The following NEDD9 variants were observed in gnomAD, a reference collection of about 807,000 sequenced individuals.
NEDD9 encodes neural precursor cell expressed, developmentally down-regulated 9, also known as enhancer of filamentation 1.
A neutral mutation model predicts 76.6 loss-of-function variants in NEDD9; 26 were observed. The ratio of observed to expected loss-of-function variants is 0.34; its 90% CI spans 0.25 to 0.47. The LOEUF is 0.47. Among genes scored for constraint, NEDD9 ranks in the 20% least tolerant of loss-of-function variants. NEDD9 has a pLI of 1.00. For synonymous variants in NEDD9, 392 were observed against 414.2 expected, an observed-to-expected ratio of 0.95 and a Z score of 0.65; for missense variants, 937 against 1,058.5, an observed-to-expected ratio of 0.89 and a Z score of 1.59.
chr6:11,231,548 A>G (rs554321748), intron 1 of NEDD9, among the ~76,000 whole-genome samples: 1 of 152,336 alleles, frequency 6.6e-6, no homozygotes, highest in African/African-American at 2.4e-5. Context: ...AATCCATCTT[A>G]ATAATAACAC....
intron 3 of NEDD9, among the ~76,000 whole-genome samples, chr6:11,238,341 G>C (rs1342811991): frequency 2.0e-5 from 3 of 152,180 alleles, no homozygotes; most frequent in African/African-American, 7.2e-5. Context: ...GTGTGGCCCT[G>C]ACCATGGAGC....
At chr6:11,336,201 C>T (rs1330356219) in intron 1 of NEDD9, among the ~76,000 whole-genome samples, 1 of 152,210 alleles carries the variant, frequency 6.6e-6, no homozygotes, top group African/African-American at 2.4e-5. Context: ...TTGGTCATGG[C>T]TCTACATTTA....
intron 1 of NEDD9, among the ~76,000 whole-genome samples, chr6:11,344,588 C>T (rs563361172): frequency 7.9e-5 from 12 of 152,302 alleles, no homozygotes; most frequent in East Asian, 1.9e-4. Context: ...CCACCTCCTT[C>T]GGGGCAAACT....
intron 3 of NEDD9, among the ~76,000 whole-genome samples, chr6:11,238,443 C>T (rs1759651438): frequency 6.6e-6 from 1 of 152,222 alleles, no homozygotes; most frequent in Admixed American, 6.5e-5. Flanking sequence ...GTCGAGTCTC[C>T]ACCCTCGTGG....
At chr6:11,340,625 T>C (rs1762254772) in intron 1 of NEDD9, among the ~76,000 whole-genome samples, 1 of 152,176 alleles carries the variant, frequency 6.6e-6, no homozygotes, top group African/African-American at 2.4e-5. Context: ...CACACTAAGG[T>C]ACCTGTCTCC....
chr6:11,367,536 T>C (rs1162505154), intron 1 of NEDD9, among the ~76,000 whole-genome samples: 1 of 152,222 alleles, frequency 6.6e-6, no homozygotes, highest in Non-Finnish European at 1.5e-5. Context: ...CAACTGCATC[T>C]ATCAGAGTCA....
At chr6:11,236,591 T>C (rs1759606581), upstream of NEDD9, among the ~76,000 whole-genome samples, 1 of 152,210 alleles carries the variant, frequency 6.6e-6, no homozygotes, top group African/African-American at 2.4e-5. This position sits in a 1 kb window ranked among gnomAD's most constrained non-coding sequence, Gnocchi z 5.5. Flanking sequence ...CAGAGCTGTC[T>C]GTCGCTCAGA....
upstream of NEDD9, among the ~76,000 whole-genome samples, chr6:11,237,400 C>T (rs549320039): frequency 4.6e-5 from 7 of 152,032 alleles, no homozygotes; most frequent in Non-Finnish European, 8.8e-5. This position sits in a 1 kb window ranked among gnomAD's most constrained non-coding sequence, Gnocchi z 4.9. Context: ...TGTTTGGTGC[C>T]CAGGAAGGGA....
rs1310471979 is a variant in NEDD9, at chr6:11,190,984, C to G, written c.885G>C (p.Gln295His). 2 of 1,613,984 alleles carry G rather than the reference C, an allele frequency of 1.2e-6. No individual in the cohort carries two copies. The highest frequency in any genetic ancestry group is 2.2e-5 in the South Asian group (2 of 91,074). ...GGGGTGGGTGATTCGGGGACAGGCTCTGGTGCCTTCGAGCCACCGGTTCTG... is the reference window on the plus strand; with the variant it reads ...GGGGTGGGTGATTCGGGGACAGGCTGTGGTGCCTTCGAGCCACCGGTTCTG... The part of the protein sequence containing the change: ...GAAEPVARRH[Q>H]SLSPNHPPPQ... The change falls in exon 5 of 7, where the codon CAG (glutamine) becomes CAC (histidine). Residue 295 changes from glutamine (Q) to histidine (H), a missense_variant. By Grantham distance (24) the Gln-to-His change is conservative (BLOSUM62 0). Coordinates refer to ENST00000379446, the MANE Select transcript of NEDD9 (RefSeq NM_006403.4). The surrounding 1 kb of genome is among the most constrained non-coding windows in gnomAD (Gnocchi z 5.8).
chr6:11,231,236 T>A (rs1759460750), intron 1 of NEDD9, among the ~76,000 whole-genome samples: 1 of 152,228 alleles, frequency 6.6e-6, no homozygotes, highest in Admixed American at 6.5e-5. Context: ...TCCCTACTGA[T>A]GAAGATAATA....
At chr6:11,364,360 T>C (rs1311008823) in intron 1 of NEDD9, among the ~76,000 whole-genome samples, 3 of 152,180 alleles carry the variant, frequency 2.0e-5, no homozygotes, top group Non-Finnish European at 4.4e-5. Context: ...GTCTTTGAGG[T>C]AATAGAACTT....
chr6:11,190,460 A>G lies in NEDD9; in HGVS notation c.1409T>C (p.Val470Ala). The change falls in exon 5 of 7, where the codon GTT becomes GCT. Residue 470 changes from valine to alanine, a missense_variant. By Grantham distance (64) the Val-to-Ala change is moderately conservative (BLOSUM62 0). Transcript: ENST00000379446. The surrounding 1 kb of genome is among the most constrained non-coding windows in gnomAD (Gnocchi z 5.8). ...TTCCGGGAGGCAGGCAGCATTTGCA[A>G]CAGCTCCCTTGACAAAGTGGAGGTA... Reference protein sequence around the residue: ...KEYLHFVKGAVANAACLPELI... With the variant: ...KEYLHFVKGAAANAACLPELI... 6.2e-7 allele frequency: 1 copy of G among 1,614,158 alleles called. No homozygotes were observed. Among genetic ancestry groups the G allele is most frequent in the Non-Finnish European group, 8.5e-7 (1 of 1,180,014 alleles).
chr6:11,296,712 CCTTCCTT>C (rs1760903499), intron 3 of NEDD9, among the ~76,000 whole-genome samples: 1 of 148,340 alleles, frequency 6.7e-6, no homozygotes, highest in Admixed American at 6.8e-5. Flanking sequence ...TTCCTTCCTT[CCTTCCTT>C]CCTTTCTTTT....
intron 5 of NEDD9, among the ~76,000 whole-genome samples, 156 bp from the exon 6 acceptor site, chr6:11,188,463 G>A (rs1291882411): frequency 6.6e-6 from 1 of 152,198 alleles, no homozygotes; most frequent in Non-Finnish European, 1.5e-5. Flanking sequence ...GACGACAGGG[G>A]TGGCAGAAAA....
At chr6:11,271,315 A>G (rs1760303116) in intron 3 of NEDD9, 1 of 152,276 alleles carries the variant, frequency 6.6e-6, no homozygotes. Flanking sequence ...GAGGTTAGAG[A>G]AATGAGCCAC....
At chr6:11,242,913 A>G (rs1759735942) in intron 3 of NEDD9, among the ~76,000 whole-genome samples, 1 of 152,234 alleles carries the variant, frequency 6.6e-6, no homozygotes, top group Non-Finnish European at 1.5e-5. Context: ...GAGCAAAGGC[A>G]TGCATGTTTC....
At chr6:11,235,658 A>G (rs1759582769), upstream of NEDD9, among the ~76,000 whole-genome samples, 1 of 152,220 alleles carries the variant, frequency 6.6e-6, no homozygotes, top group Non-Finnish European at 1.5e-5. This position sits in a 1 kb window ranked among gnomAD's most constrained non-coding sequence, Gnocchi z 4.1. Flanking sequence ...CTCTGAGGAG[A>G]TGATATTTAA....
At chr6:11,358,906 A>G (rs945188298) in intron 1 of NEDD9, among the ~76,000 whole-genome samples, 1 of 152,240 alleles carries the variant, frequency 6.6e-6, no homozygotes, top group South Asian at 2.1e-4. Flanking sequence ...TGAGAAAGGT[A>G]GCCTTGCTGT....
At position 11,185,112 on chromosome 6, in the gene NEDD9, A is replaced by G. The variant is rs1757942106; in HGVS notation, c.*50T>C. ...TTTACAAAAACCAGACAGTATTTCC[A>G]GTTTTCCTTAGTAACCGTTAACGCA... On this transcript the variant is annotated 3_prime_UTR_variant, in exon 7 of 7. Coordinates refer to ENST00000379446, the MANE Select transcript of NEDD9 (RefSeq NM_006403.4). The G allele has an allele frequency of 7.8e-6, 12 of 1,535,232 alleles. No individual in the cohort carries two copies. The highest frequency in any genetic ancestry group is 1.1e-5 in the Non-Finnish European group (12 of 1,138,216).
Sources: allele counts gnomAD v4.1 joint callset (sites outside exome capture counted in the v4.1 genomes callset), GRCh38; gene constraint gnomAD v4.1.1; non-coding constraint Gnocchi (gnomAD v3.1); transcripts MANE v1.5; gene names NCBI Gene and HGNC (gene_info 2026-07-23, HGNC 2026-07-21).